KDM4C: variants seen among roughly 807,000 people sequenced by gnomAD.
KDM4C encodes the protein lysine demethylase 4C, also known as lysine-specific demethylase 4C.
KDM4C carries 81 observed loss-of-function variants against 129.3 expected under a neutral mutation model. The ratio of observed to expected loss-of-function variants is 0.63; its 90% CI spans 0.52 to 0.75. The LOEUF (loss-of-function observed/expected upper bound fraction) is 0.75, where lower values mean the gene tolerates loss of function less well. KDM4C is among the 30% of genes least tolerant of loss of function. The pLI is 0.00. For synonymous variants in KDM4C, 573 were observed against 456.1 expected (o/e 1.26, Z -3.26); for missense variants, 1,457 against 1,304.0 (o/e 1.12, Z -1.81).
intron 8 of KDM4C, among the ~76,000 whole-genome samples, chr9:6,965,191 G>C (rs1830728361): frequency 6.6e-6 from 1 of 151,762 alleles, no homozygotes; most frequent in Admixed American, 6.6e-5. Flanking sequence ...ACGTGGCTCT[G>C]GCTGTGTAAG....
chr9:7,174,519 T>C, intron 21 of KDM4C, 34 bp from the exon 22 acceptor site: 1 of 1,604,558 alleles, frequency 6.2e-7, no homozygotes. Flanking sequence ...TCAAATGCCG[T>C]GCCCTTTTGC....
chr9:6,899,702 G>A (rs990361920), intron 8 of KDM4C, among the ~76,000 whole-genome samples: 4 of 152,166 alleles, frequency 2.6e-5, no homozygotes, highest in South Asian at 4.2e-4. Flanking sequence ...TTGAGTTGTG[G>A]GATTCAGGAT....
intron 18 of KDM4C, among the ~76,000 whole-genome samples, chr9:7,125,577 ACT>A (rs1342968891): frequency 6.6e-6 from 1 of 152,218 alleles, no homozygotes; most frequent in Non-Finnish European, 1.5e-5. Flanking sequence ...TAAGCATAAC[ACT>A]CTGTACACTA....
chr9:6,822,654 A>G (rs1833224443), intron 4 of KDM4C, among the ~76,000 whole-genome samples: 1 of 152,202 alleles, frequency 6.6e-6, no homozygotes, highest in African/African-American at 2.4e-5. Flanking sequence ...AGCCTTTGTT[A>G]ACAAGCCTTT....
At chr9:6,969,688 A>G (rs1016562462) in intron 8 of KDM4C, among the ~76,000 whole-genome samples, 4 of 152,180 alleles carry the variant, frequency 2.6e-5, no homozygotes, top group African/African-American at 7.2e-5. Context: ...TTTCAACCGT[A>G]GATGCATTTC....
intron 1 of KDM4C, among the ~76,000 whole-genome samples, chr9:6,780,548 C>T (rs952791903): frequency 1.3e-5 from 2 of 151,824 alleles, no homozygotes; most frequent in African/African-American, 4.8e-5. Context: ...AGGCAGATCT[C>T]TTCGAGCTCA....
intron 8 of KDM4C, among the ~76,000 whole-genome samples, chr9:6,949,446 G>T (rs1013682610): frequency 6.6e-6 from 1 of 152,220 alleles, no homozygotes; most frequent in African/African-American, 2.4e-5. Context: ...GGTGGCGGCT[G>T]GGCAGAGGCT....
intron 18 of KDM4C, among the ~76,000 whole-genome samples, chr9:7,112,413 CAG>C (rs1352847401): frequency 6.6e-6 from 1 of 152,048 alleles, no homozygotes; most frequent in Non-Finnish European, 1.5e-5. Context: ...TGAGAAGAAA[CAG>C]AGACCTGGAT....
intron 18 of KDM4C, among the ~76,000 whole-genome samples, chr9:7,112,922 G>A (rs1432644162): frequency 6.6e-6 from 1 of 152,060 alleles, no homozygotes; most frequent in African/African-American, 2.4e-5. Flanking sequence ...TAACAATTTG[G>A]ATATTGCAAA....
intron 15 of KDM4C, among the ~76,000 whole-genome samples, chr9:7,021,433 C>T (rs550014144): frequency 6.6e-6 from 1 of 152,200 alleles, no homozygotes; most frequent in Non-Finnish European, 1.5e-5. Flanking sequence ...GCGTGAGCCA[C>T]TGGGCCTGGC....
chr9:6,784,331 G>A (rs575041730), intron 1 of KDM4C, among the ~76,000 whole-genome samples: 9 of 152,220 alleles, frequency 5.9e-5, no homozygotes, highest in Non-Finnish European at 1.0e-4. Flanking sequence ...AGTTAGGTCT[G>A]TTATGTCCTG....
chr9:7,027,565 C>T lies in KDM4C; in HGVS notation c.2259+11636C>T, dbSNP rs115491293. 3.1e-3 allele frequency among the ~76,000 whole-genome samples: 469 copies of T among 152,310 alleles called. 2 individuals are homozygous for T. The highest frequency in any genetic ancestry group is 0.01 in the African/African-American group (433 of 41,564). ...AAGCACAGCATTAGATCTCACCTAACGCTGGCCCACTGTAACCACTACTTG... is the reference window on the plus strand; with the variant it reads ...AAGCACAGCATTAGATCTCACCTAATGCTGGCCCACTGTAACCACTACTTG... On this transcript the variant is annotated intron_variant, in intron 15 of 21. Coordinates refer to ENST00000381309, the MANE Select transcript of KDM4C (RefSeq NM_015061.6).
At chr9:7,137,388 G>T (rs180757412) in intron 19 of KDM4C, among the ~76,000 whole-genome samples, 1 of 152,190 alleles carries the variant, frequency 6.6e-6, no homozygotes, top group African/African-American at 2.4e-5. Flanking sequence ...AATAACTAAC[G>T]TGGCCAGATG....
chr9:6,887,923 C>G (rs542650873), intron 6 of KDM4C, 37 bp from the exon 7 acceptor site: 7 of 1,183,952 alleles, frequency 5.9e-6, no homozygotes, highest in Non-Finnish European at 8.9e-6. Flanking sequence ...TTCTCTTAAT[C>G]GACACAGTGC....
At chr9:6,779,486 G>C (rs566341997) in intron 1 of KDM4C, among the ~76,000 whole-genome samples, 6 of 152,290 alleles carry the variant, frequency 3.9e-5, no homozygotes, top group African/African-American at 1.4e-4. Context: ...AATTTGGTGT[G>C]TTCGTGAAAC....
chr9:7,096,773 T>C (rs1564112121), intron 17 of KDM4C, among the ~76,000 whole-genome samples: 1 of 152,182 alleles, frequency 6.6e-6, no homozygotes, highest in Non-Finnish European at 1.5e-5. Flanking sequence ...ATGCTGATTT[T>C]CTGGGTGGTC....
At chr9:7,080,899 G>T (rs1022517972) in intron 17 of KDM4C, among the ~76,000 whole-genome samples, 3 of 152,164 alleles carry the variant, frequency 2.0e-5, no homozygotes, top group Non-Finnish European at 4.4e-5. Flanking sequence ...ATAAAAGAGG[G>T]CTGTTAGCTA....
At chr9:6,991,839 C>T (rs960538201) in intron 12 of KDM4C, among the ~76,000 whole-genome samples, 5 of 150,656 alleles carry the variant, frequency 3.3e-5, no homozygotes, top group African/African-American at 9.7e-5. Context: ...AGTTTAAGAC[C>T]AGCCTGGGCA....
At chr9:7,158,848 C>G (rs943227914) in intron 19 of KDM4C, among the ~76,000 whole-genome samples, 5 of 152,052 alleles carry the variant, frequency 3.3e-5, no homozygotes, top group Non-Finnish European at 5.9e-5. Context: ...CTGTAGATGT[C>G]TTTTAGGTCT....
Sources: allele counts gnomAD v4.1 joint callset (sites outside exome capture counted in the v4.1 genomes callset), GRCh38; gene constraint gnomAD v4.1.1; transcripts MANE v1.5; gene names NCBI Gene and HGNC (gene_info 2026-07-23, HGNC 2026-07-21).